Variants in RNF180 observed in about 807,000 individuals in gnomAD.
The protein encoded by RNF180 is ring finger protein 180, also known as E3 ubiquitin-protein ligase RNF180.
In RNF180, 38 loss-of-function variants were observed where a neutral mutation model predicts 59.2. That is an observed-to-expected ratio of 0.64 (90% CI 0.50 to 0.84). RNF180 has a LOEUF of 0.84. Ranked by LOEUF, RNF180 falls within the 40% of genes least tolerant of loss-of-function variation. RNF180 has a pLI of 0.00. For synonymous variants in RNF180, 262 were observed against 240.3 expected (o/e 1.09, Z -0.84); for missense variants, 705 against 700.9 (o/e 1.01, Z -0.07).
chr5:64,283,237 T>C (rs911989314), intron 5 of RNF180, among the ~76,000 whole-genome samples: 1 of 152,204 alleles, frequency 6.6e-6, no homozygotes, highest in East Asian at 1.9e-4. Context: ...ATTGAACTCT[T>C]TACTGTCTTG....
intron 1 of RNF180, among the ~76,000 whole-genome samples, chr5:64,197,856 G>A (rs1269041656): frequency 6.6e-6 from 1 of 152,160 alleles, no homozygotes; most frequent in Non-Finnish European, 1.5e-5. Context: ...TTTATACAAA[G>A]ATTACATCCT....
chr5:64,205,963 G>A (rs761816795), intron 2 of RNF180, among the ~76,000 whole-genome samples: 5 of 152,174 alleles, frequency 3.3e-5, no homozygotes, highest in South Asian at 4.1e-4. Flanking sequence ...GTCAAGGGAC[G>A]AACATTCTCT....
intron 1 of RNF180, among the ~76,000 whole-genome samples, chr5:64,187,316 T>C (rs1049015498): frequency 2.0e-5 from 3 of 152,160 alleles, no homozygotes; most frequent in Admixed American, 2.0e-4. Flanking sequence ...GGTTGTTTAT[T>C]ATGCATTGCA....
At chr5:64,249,784 C>T (rs901268125) in intron 5 of RNF180, among the ~76,000 whole-genome samples, 7 of 152,238 alleles carry the variant, frequency 4.6e-5, no homozygotes, top group African/African-American at 1.7e-4. Context: ...AATAGTTGTA[C>T]ATATATATGC....
chr5:64,273,803 A>G (rs371066763), intron 5 of RNF180, among the ~76,000 whole-genome samples: 3 of 152,070 alleles, frequency 2.0e-5, no homozygotes, highest in South Asian at 4.1e-4. Context: ...TTTAAATGTG[A>G]GAAGCCACTA....
intron 5 of RNF180, among the ~76,000 whole-genome samples, chr5:64,234,602 TTTTTTTTTTTTTTTTG>T (rs1249482620): frequency 2.3e-3 from 150 of 63,998 alleles, no homozygotes; most frequent in Middle Eastern, 7.4e-3. Context: ...TTTTTTTTTT[TTTTTTTTTTTTTTTTG>T]AGAAGGAGTC....
intron 5 of RNF180, among the ~76,000 whole-genome samples, chr5:64,263,191 G>C (rs1258409469): frequency 6.6e-6 from 1 of 152,114 alleles, no homozygotes; most frequent in African/African-American, 2.4e-5. Context: ...GGTTAGTCTG[G>C]TGTTTACAGT....
At chr5:64,256,121 T>C (rs1743934200) in intron 5 of RNF180, among the ~76,000 whole-genome samples, 1 of 152,158 alleles carries the variant, frequency 6.6e-6, no homozygotes, top group African/African-American at 2.4e-5. Flanking sequence ...GATGAGTAGA[T>C]TGCAAAAATT....
chr5:64,303,650 G>C (rs1021465456), intron 5 of RNF180, among the ~76,000 whole-genome samples: 2 of 151,628 alleles, frequency 1.3e-5, no homozygotes, highest in African/African-American at 4.8e-5. Flanking sequence ...AGCACAGGAA[G>C]CTTCAGAAGA....
At chr5:64,196,566 C>T (rs568216867) in intron 1 of RNF180, among the ~76,000 whole-genome samples, 27 of 152,060 alleles carry the variant, frequency 1.8e-4, no homozygotes, top group African/African-American at 6.5e-4. Flanking sequence ...CCAATTTTGA[C>T]CATTCTTGAA....
chr5:64,299,408 C>A (rs528533753), intron 5 of RNF180, among the ~76,000 whole-genome samples: 1 of 151,878 alleles, frequency 6.6e-6, no homozygotes, highest in African/African-American at 2.4e-5. Flanking sequence ...AAATAGACAC[C>A]AGTTAAACAT....
At chr5:64,283,267 A>ATTGTTGTTGG (rs1294758593) in intron 5 of RNF180, among the ~76,000 whole-genome samples, 1 of 151,578 alleles carries the variant, frequency 6.6e-6, no homozygotes, top group African/African-American at 2.4e-5. Flanking sequence ...ATCTTTTTTG[A>ATTGTTGTTGG]TTGTTGTTGG....
chr5:64,213,864 G>A lies in RNF180; in HGVS notation c.538G>A (p.Glu180Lys). The change falls in exon 4 of 8, where the codon GAA (glutamate) becomes AAA (lysine). Residue 180 changes from glutamate to lysine, a missense_variant. Transcript: ENST00000389100. ...RNNNDPGRLTEALCLEVRPTY... is the reference protein window; with the variant it reads ...RNNNDPGRLTKALCLEVRPTY... ...TAATAATGACCCTGGAAGATTAACAGAAGCACTCTGCCTGGAGGTGCGACC... is the reference window on the plus strand; with the variant it reads ...TAATAATGACCCTGGAAGATTAACAAAAGCACTCTGCCTGGAGGTGCGACC... The A allele has an allele frequency of 6.2e-7, 1 of 1,614,130 alleles. No individual in the cohort carries two copies. The highest frequency in any genetic ancestry group is 8.5e-7 in the Non-Finnish European group (1 of 1,180,024).
At chr5:64,283,361 G>T (rs1450064787) in intron 5 of RNF180, among the ~76,000 whole-genome samples, 1 of 151,750 alleles carries the variant, frequency 6.6e-6, no homozygotes, top group Non-Finnish European at 1.5e-5. Flanking sequence ...AAGCTTGTGG[G>T]TGTTACTGGA....
At chr5:64,228,198 T>C (rs1370107514) in intron 5 of RNF180, among the ~76,000 whole-genome samples, 1 of 152,060 alleles carries the variant, frequency 6.6e-6, no homozygotes, top group East Asian at 1.9e-4. Flanking sequence ...AAACTGAAAA[T>C]ATATGTAAGC....
intron 5 of RNF180, among the ~76,000 whole-genome samples, chr5:64,248,353 A>G (rs149430154): frequency 0.29 from 43,426 of 152,088 alleles, 6,431 homozygotes; most frequent in African/African-American, 0.35. Flanking sequence ...TTTGCAATCT[A>G]TCCATCTGAC....
chr5:64,278,698 G>T (rs1270157372), intron 5 of RNF180, among the ~76,000 whole-genome samples: 1 of 152,172 alleles, frequency 6.6e-6, no homozygotes, highest in Non-Finnish European at 1.5e-5. Flanking sequence ...TGAGGTATAG[G>T]TTTAAAGGAA....
At chr5:64,180,926 A>G (rs548072516) in intron 1 of RNF180, among the ~76,000 whole-genome samples, 2 of 152,270 alleles carry the variant, frequency 1.3e-5, no homozygotes, top group African/African-American at 4.8e-5. Flanking sequence ...AGAACTAACA[A>G]GTCTGGATCC....
intron 1 of RNF180, among the ~76,000 whole-genome samples, chr5:64,169,458 A>C (rs1470422906): frequency 6.6e-6 from 1 of 152,196 alleles, no homozygotes; most frequent in Non-Finnish European, 1.5e-5. Flanking sequence ...AGATTGCTGC[A>C]TGCAGTCATT....
Sources: allele counts gnomAD v4.1 joint callset (sites outside exome capture counted in the v4.1 genomes callset), GRCh38; gene constraint gnomAD v4.1.1; transcripts MANE v1.5; gene names NCBI Gene and HGNC (gene_info 2026-07-23, HGNC 2026-07-21).